The following ZNF804B variants were observed in gnomAD, a reference collection of about 807,000 sequenced individuals.
ZNF804B encodes the protein zinc finger protein 804B.
In ZNF804B, 80 loss-of-function variants were observed where a neutral mutation model predicts 101.4. The observed-to-expected ratio is 0.79, with a 90% CI of 0.66 to 0.95. ZNF804B has a LOEUF of 0.95. ZNF804B is among the 40% of genes least tolerant of loss of function. ZNF804B has a pLI of 0.00. For synonymous variants in ZNF804B, 622 were observed against 558.8 expected, an observed-to-expected ratio of 1.11 and a Z score of -1.59; for missense variants, 1,673 against 1,561.9, an observed-to-expected ratio of 1.07 and a Z score of -1.20.
At chr7:88,877,049 ATTT>A (rs869097226) in intron 1 of ZNF804B, among the ~76,000 whole-genome samples, 26 of 13,888 alleles carry the variant, frequency 1.9e-3, no homozygotes, top group African/African-American at 8.6e-3. Flanking sequence ...ATATATATAT[ATTT>A]TTTTTTTTTT....
rs765049397 is a variant in ZNF804B at position 89,095,451 on chromosome 7, G to C, written c.109-122704G>C. Among the ~76,000 whole-genome samples the C allele has an allele frequency of 7.9e-5, 12 of 152,152 alleles. 1 individual carries two copies. Among genetic ancestry groups the C allele is most frequent in the Non-Finnish European group, 1.6e-4 (11 of 68,020 alleles). On this transcript the variant is annotated intron_variant, in intron 1 of 3. Transcript: ENST00000333190. The stretch of plus-strand genomic sequence containing the variant: ...AGACAGTGTTGTATTTTATGTAACT[G>C]TGCAAGAGACAATTATAACAAAATG...
intron 1 of ZNF804B, among the ~76,000 whole-genome samples, chr7:89,200,924 T>G (rs1418698697): frequency 6.6e-6 from 1 of 152,040 alleles, no homozygotes; most frequent in Non-Finnish European, 1.5e-5. Flanking sequence ...TACTTCCCCT[T>G]TTTTCTTTCA....
At chr7:89,272,159 T>C (rs921045414) in intron 2 of ZNF804B, among the ~76,000 whole-genome samples, 2 of 152,114 alleles carry the variant, frequency 1.3e-5, no homozygotes, top group African/African-American at 4.8e-5. Context: ...AATGCTTCAG[T>C]ATCTGCGCTC....
At chr7:88,775,193 T>C (rs976055267) in intron 1 of ZNF804B, among the ~76,000 whole-genome samples, 1 of 152,346 alleles carries the variant, frequency 6.6e-6, no homozygotes, top group Middle Eastern at 3.4e-3. Flanking sequence ...AGGGTGACCC[T>C]ACCTAGTCCT....
intron 2 of ZNF804B, among the ~76,000 whole-genome samples, chr7:89,251,391 A>T (rs1789538042): frequency 6.6e-6 from 1 of 152,182 alleles, no homozygotes; most frequent in Admixed American, 6.5e-5. Context: ...AATACATCTA[A>T]CCAAGGAAGT....
In ZNF804B at chr7:89,067,405, G is replaced by T. The variant is rs541680324; in HGVS notation, c.109-150750G>T. 9.1e-4 allele frequency among the ~76,000 whole-genome samples: 138 copies of T among 152,276 alleles called. 2 individuals carry two copies. Among genetic ancestry groups the T allele is most frequent in the African/African-American group, 3.2e-3 (135 of 41,572 alleles). ...GTGGCAGATACTCCAGATACTCAGA[G>T]ACTTTCATTATATATGTACAAACTC... On this transcript the variant is annotated intron_variant, in intron 1 of 3. Coordinates refer to ENST00000333190, the MANE Select transcript of ZNF804B (RefSeq NM_181646.5).
At chr7:88,808,422 A>AT (rs947384403) in intron 1 of ZNF804B, among the ~76,000 whole-genome samples, 9 of 149,476 alleles carry the variant, frequency 6.0e-5, no homozygotes, top group African/African-American at 1.2e-4. Flanking sequence ...AGTAGTCTGG[A>AT]TTTTTTTTTA....
chr7:88,800,689 G>C lies in ZNF804B; in HGVS notation c.108+40605G>C, dbSNP rs1050822962. Among the ~76,000 whole-genome samples, 93 of 110,490 alleles carry C rather than the reference G, an allele frequency of 8.4e-4. 1 individual carries two copies. Among genetic ancestry groups the C allele is most frequent in the African/African-American group, 3.3e-3 (89 of 26,642 alleles). 72.5% of individuals were successfully genotyped at this position (110,490 alleles called of 152,430 possible). On this transcript the variant is annotated intron_variant, in intron 1 of 3. Transcript: ENST00000333190. The stretch of plus-strand genomic sequence containing the variant: ...AAGCTGGGAATTAAAAAATAGATAT[G>C]ATTTGTGTGTGTGTGTGTGTGTGTG...
At chr7:89,241,315 C>T (rs1261631660) in intron 2 of ZNF804B, among the ~76,000 whole-genome samples, 1 of 152,046 alleles carries the variant, frequency 6.6e-6, no homozygotes, top group Non-Finnish European at 1.5e-5. Flanking sequence ...TTCAATTATT[C>T]ACTCCAGGTA....
At chr7:88,765,334 A>G (rs2718309) in intron 1 of ZNF804B, among the ~76,000 whole-genome samples, 68,816 of 152,040 alleles carry the variant, frequency 0.45, 18,989 homozygotes, top group African/African-American at 0.77. Context: ...AATGTGCATG[A>G]CATTTAACAT....
chr7:89,175,649 T>C (rs1249171214), intron 1 of ZNF804B, among the ~76,000 whole-genome samples: 1 of 151,898 alleles, frequency 6.6e-6, no homozygotes, highest in Admixed American at 6.6e-5. Context: ...AATGTGTAGA[T>C]TGCTTTTGGT....
chr7:88,837,739 A>G (rs1447704373), intron 1 of ZNF804B, among the ~76,000 whole-genome samples: 1 of 151,858 alleles, frequency 6.6e-6, no homozygotes, highest in African/African-American at 2.4e-5. Context: ...CTGCGTATCT[A>G]TGTGAGACTG....
At chr7:88,775,492 G>T (rs1226084576) in intron 1 of ZNF804B, among the ~76,000 whole-genome samples, 1 of 152,204 alleles carries the variant, frequency 6.6e-6, no homozygotes, top group Non-Finnish European at 1.5e-5. Flanking sequence ...AGTCCCAACA[G>T]AAGCTTTTCT....
chr7:88,838,653 G>A (rs13226157), intron 1 of ZNF804B, among the ~76,000 whole-genome samples: 47,587 of 151,644 alleles, frequency 0.31, 9,323 homozygotes, highest in Non-Finnish European at 0.44. Context: ...CATTATAGTG[G>A]TAAGAGCAGG....
In ZNF804B at chr7:89,313,063, A is replaced by G. The variant is rs918745681; in HGVS notation, c.250-14281A>G. Among the ~76,000 whole-genome samples, 3 of 152,206 alleles carry G rather than the reference A, an allele frequency of 2.0e-5. No homozygotes were observed. In the South Asian group the frequency reaches 6.2e-4, roughly 32 times the overall value. ...GTGAGCTACTGCTTGATTTCAGAAC[A>G]GGCTGGACTTTTGAATCCACAAAAT... is the stretch of plus-strand genomic sequence containing the variant. On this transcript the variant is annotated intron_variant, in intron 2 of 3. Transcript: ENST00000333190.
intron 2 of ZNF804B, among the ~76,000 whole-genome samples, chr7:89,254,647 TA>T (rs1282569797): frequency 1.1e-4 from 14 of 132,888 alleles, no homozygotes; most frequent in African/African-American, 3.4e-4. Context: ...TTTTTATTTT[TA>T]TTATTTTTTT....
chr7:89,338,136 C>T lies in ZNF804B; in HGVS notation c.*1104C>T. 6.6e-6 allele frequency among the ~76,000 whole-genome samples: 1 copy of T among 152,070 alleles called. No homozygotes were observed. Among genetic ancestry groups the T allele is most frequent in the African/African-American group, 2.4e-5 (1 of 41,436 alleles). Reference sequence around the variant, plus strand: ...TGCATTTCATACATCTATATTGGTGCATAATCCTACAGTTAGGTTTATTAT... The same window carrying T: ...TGCATTTCATACATCTATATTGGTGTATAATCCTACAGTTAGGTTTATTAT... On this transcript the variant is annotated 3_prime_UTR_variant, in exon 4 of 4. Coordinates refer to ENST00000333190, the MANE Select transcript of ZNF804B (RefSeq NM_181646.5).
Position 89,335,795 on chromosome 7 carries a change from A to G in ZNF804B, c.2813A>G (p.Gln938Arg), listed in dbSNP as rs146703422. The G allele has an allele frequency of 6.2e-7, 1 of 1,614,060 alleles. No homozygotes were observed. Among genetic ancestry groups the G allele is most frequent in the Non-Finnish European group, 8.5e-7 (1 of 1,179,958 alleles). Residue 938 changes from glutamine to arginine, a missense_variant, in exon 4 of 4, where the codon CAA (glutamine) becomes CGA (arginine). Transcript: ENST00000333190. Reference sequence around the variant, plus strand: ...GAAAGAGTACAAGCCAAGAAATGTCAAGAACAATCAAGTAATGTTGAGATC... The same window carrying G: ...GAAAGAGTACAAGCCAAGAAATGTCGAGAACAATCAAGTAATGTTGAGATC... ...LLERVQAKKC[Q>R]EQSSNVEISS...
rs376274666 is a variant in ZNF804B, at chr7:89,175,843, TTAC to T, written c.109-42310_109-42308del. Among the ~76,000 whole-genome samples the T allele has an allele frequency of 4.5e-3, 689 of 152,178 alleles. 10 individuals carry two copies. The highest frequency in any genetic ancestry group is 0.014 in the South Asian group (66 of 4,830). On this transcript the variant is annotated intron_variant, in intron 1 of 3. Coordinates refer to ENST00000333190, the MANE Select transcript of ZNF804B (RefSeq NM_181646.5). The stretch of plus-strand genomic sequence containing the variant: ...TTGTTTATAGCTTTTGTAAATTAGA[TTAC>T]TTTCTTGATTTCTTTTTCATATTGT...
Sources: allele counts gnomAD v4.1 joint callset (sites outside exome capture counted in the v4.1 genomes callset), GRCh38; gene constraint gnomAD v4.1.1; transcripts MANE v1.5; gene names NCBI Gene and HGNC (gene_info 2026-07-23, HGNC 2026-07-21).